SLC2A2: variants seen among roughly 807,000 people sequenced by gnomAD.
The protein encoded by SLC2A2 is solute carrier family 2 member 2, also known as solute carrier family 2, facilitated glucose transporter member 2.
SLC2A2 carries 36 observed loss-of-function variants against 54.5 expected under a neutral mutation model. The ratio of observed to expected loss-of-function variants is 0.66; its 90% CI spans 0.51 to 0.87. The LOEUF is 0.87. Ranked by LOEUF, SLC2A2 falls within the 40% of genes least tolerant of loss-of-function variation. The pLI is 0.00. For missense variants in SLC2A2, 543 were observed against 624.3 expected, an observed-to-expected ratio of 0.87 and a Z score of 1.39; for synonymous variants, 223 against 219.1, an observed-to-expected ratio of 1.02 and a Z score of -0.16.
chr3:171,016,652 C>CT (rs1716165470), intron 2 of SLC2A2, among the ~76,000 whole-genome samples: 1 of 126,340 alleles, frequency 7.9e-6, no homozygotes, highest in Non-Finnish European at 1.6e-5. Context: ...TAAAAAAAGG[C>CT]TTAAAAAATC....
chr3:171,014,617 T>C lies in SLC2A2; in HGVS notation c.223A>G (p.Asn75Asp), dbSNP rs1207297111. Residue 75 changes from asparagine to aspartate, a missense_variant, in exon 3 of 11, where the codon AAC becomes GAC. By Grantham distance (23) the Asn-to-Asp change is conservative (BLOSUM62 1). Around this residue, in one of 3 missense-constraint regions of SLC2A2, gnomAD observed 318 missense variants for 343.8 expected, o/e 0.93. Transcript: ENST00000314251. ...TCAGCCCAAGGGGTTGGTTTTGGGT[T>C]CATTGAGTATGAGATTGTGGGCAGT... is the stretch of plus-strand genomic sequence containing the variant. The part of the protein sequence containing the change: ...DELPTISYSM[N>D]PKPTPWAEEE... 5.0e-6 allele frequency: 8 copies of C among 1,614,172 alleles called. No individual in the cohort carries two copies. In the South Asian group the frequency reaches 8.8e-5, roughly 18 times the overall value.
At position 171,014,644 on chromosome 3, in the gene SLC2A2, C is replaced by T; in HGVS notation, c.196G>A (p.Glu66Lys). 6.2e-7 allele frequency: 1 copy of T among 1,614,068 alleles called. No individual in the cohort carries two copies. Among genetic ancestry groups the T allele is most frequent in the Non-Finnish European group, 8.5e-7 (1 of 1,179,942 alleles). Residue 66 changes from glutamate to lysine, a missense_variant, in exon 3 of 11, where the codon GAA becomes AAA. Around this residue, in one of 3 missense-constraint regions of SLC2A2, gnomAD observed 318 missense variants for 343.8 expected, o/e 0.93. Coordinates refer to ENST00000314251, the MANE Select transcript of SLC2A2 (RefSeq NM_000340.2). ...ATTGAGTATGAGATTGTGGGCAGTT[C>T]ATCTGTACTGTTGATAACATAGTTG... ...INNYVINSTD[E>K]LPTISYSMNP...
Position 171,006,103 on chromosome 3 carries a change from A to C in SLC2A2, c.615T>G (p.Ile205Met), listed in dbSNP as rs779591826. Reference sequence around the variant, plus strand: ...TGCCCAAGATAAATTCAAGACCAATAATCTGAAAATGCAAGGAGGAAGTAT... The same window carrying C: ...TGCCCAAGATAAATTCAAGACCAATCATCTGAAAATGCAAGGAGGAAGTAT... ...AIVTGILISQ[I>M]IGLEFILGNY... The change falls in exon 6 of 11, where the codon ATT (isoleucine) becomes ATG (methionine). Residue 205 changes from isoleucine (I) to methionine (M), a missense_variant and splice_region_variant. Physicochemically the swap from Ile to Met is conservative, Grantham distance 10. Transcript: ENST00000314251. The C allele has an allele frequency of 1.9e-6, 3 of 1,611,658 alleles. No homozygotes were observed. The highest frequency in any genetic ancestry group is 2.5e-6 in the Non-Finnish European group (3 of 1,178,376).
At chr3:170,999,432 G>C (rs1019704443) in intron 8 of SLC2A2, among the ~76,000 whole-genome samples, 4 of 152,058 alleles carry the variant, frequency 2.6e-5, no homozygotes, top group African/African-American at 9.7e-5. Context: ...TATAGAGATA[G>C]AACCATAATG....
chr3:171,010,757 T>C (rs1390003572), intron 3 of SLC2A2, among the ~76,000 whole-genome samples: 1 of 152,152 alleles, frequency 6.6e-6, no homozygotes, highest in Non-Finnish European at 1.5e-5. Flanking sequence ...TATGCCAGCA[T>C]ATTTCCAAAA....
rs55679742 is a variant in SLC2A2, at chr3:170,996,646, G to A, written c.*1257C>T. On this transcript the variant is annotated 3_prime_UTR_variant, in exon 11 of 11. Transcript: ENST00000314251. ...AGCTAAAGTCTGTTTAATCATCTGT[G>A]TATTTCCAATTTGCCTATGTAGGTA... 0.16 allele frequency: 62,057 copies of A among 397,696 alleles called. 6,303 individuals are homozygous for A. The highest frequency in any genetic ancestry group is 0.36 in the African/African-American group (17,507 of 48,584). The allele number at this position is 397,696 out of a possible 1,614,324, so 24.6% of individuals were successfully genotyped here.
In SLC2A2 at chr3:170,997,464, A is replaced by G. The variant is rs1181625584; in HGVS notation, c.*439T>C. ...AGTTGTCTATTTTAACATGGAACTT[A>G]TTGCCACTAGCCATATCTCCTTTAA... On this transcript the variant is annotated 3_prime_UTR_variant, in exon 11 of 11. Transcript: ENST00000314251. 6.1e-6 allele frequency: 1 copy of G among 163,056 alleles called. No homozygotes were observed. The highest frequency in any genetic ancestry group is 1.3e-5 in the Non-Finnish European group (1 of 75,122). The allele number at this position is 163,056 out of a possible 1,614,324, so 10.1% of individuals were successfully genotyped here.
chr3:171,007,815 T>TAGA (rs1425841559), intron 4 of SLC2A2, among the ~76,000 whole-genome samples: 2 of 151,902 alleles, frequency 1.3e-5, no homozygotes, highest in African/African-American at 4.8e-5. Context: ...TGCAGAGAGG[T>TAGA]AGAAGAGGTT....
At chr3:171,008,710 G>A (rs1278862560) in intron 4 of SLC2A2, among the ~76,000 whole-genome samples, 1 of 151,958 alleles carries the variant, frequency 6.6e-6, no homozygotes, top group Admixed American at 6.6e-5. Context: ...TTCGTTCATA[G>A]TGTTATTATC....
intron 1 of SLC2A2, among the ~76,000 whole-genome samples, chr3:171,023,919 T>C (rs1716574628): frequency 6.6e-6 from 1 of 152,200 alleles, no homozygotes; most frequent in South Asian, 2.1e-4. Context: ...CTAGATTTCA[T>C]ATCCAATTTA....
chr3:171,017,156 A>G (rs1203953475), intron 2 of SLC2A2, among the ~76,000 whole-genome samples: 1 of 152,046 alleles, frequency 6.6e-6, no homozygotes, highest in Non-Finnish European at 1.5e-5. Flanking sequence ...CCGGCCAGGG[A>G]TGGTTCAATT....
At chr3:171,004,913 C>A (rs1002689218) in intron 7 of SLC2A2, among the ~76,000 whole-genome samples, 6 of 152,070 alleles carry the variant, frequency 3.9e-5, no homozygotes, top group Admixed American at 3.3e-4. Context: ...ACCCTTGACT[C>A]CATTTGGCTT....
At chr3:171,025,223 A>G (rs1270662226) in intron 1 of SLC2A2, among the ~76,000 whole-genome samples, 1 of 151,778 alleles carries the variant, frequency 6.6e-6, no homozygotes, top group East Asian at 1.9e-4. Context: ...TACTATATAA[A>G]TGCTATATAA....
chr3:170,996,502 T>C lies in SLC2A2; in HGVS notation c.*1401A>G, dbSNP rs1715081816. The C allele has an allele frequency of 7.6e-6, 3 of 396,750 alleles. No individual in the cohort carries two copies. Among genetic ancestry groups the C allele is most frequent in the African/African-American group, 4.1e-5 (2 of 48,560 alleles). 24.6% of individuals were successfully genotyped at this position (396,750 alleles called of 1,614,324 possible). The stretch of plus-strand genomic sequence containing the variant: ...TCTTCAATACACATTAAAGCAAACA[T>C]AAGAAGGATTGATCAGTGCTCCAGT... On this transcript the variant is annotated 3_prime_UTR_variant, in exon 11 of 11. Coordinates refer to ENST00000314251, the MANE Select transcript of SLC2A2 (RefSeq NM_000340.2).
chr3:171,012,961 T>A (rs1027241372), intron 3 of SLC2A2, among the ~76,000 whole-genome samples: 4 of 152,164 alleles, frequency 2.6e-5, no homozygotes, highest in African/African-American at 9.6e-5. Context: ...TAAATGTTAA[T>A]TAAATGTTAA....
In SLC2A2 at chr3:171,010,065, A is replaced by G. The variant is rs367856967; in HGVS notation, c.389T>C (p.Val130Ala). ...TCCAACTAATGACAGAATGTTTGCT[A>G]CTAACATGGCTTTGATTCTGAAATT... ...DTLGRIKAML[V>A]ANILSLVGAL... The change falls in exon 4 of 11, where the codon GTA becomes GCA. Residue 130 changes from valine (V) to alanine (A), a missense_variant. Physicochemically the swap from Val to Ala is moderately conservative, Grantham distance 64 (BLOSUM62 0). This residue lies in a region of SLC2A2 where 318 missense variants were observed against 343.8 expected (regional missense o/e 0.93). Coordinates refer to ENST00000314251, the MANE Select transcript of SLC2A2 (RefSeq NM_000340.2). The G allele has an allele frequency of 4.3e-6, 7 of 1,612,844 alleles. No individual in the cohort carries two copies. The highest frequency in any genetic ancestry group is 1.7e-4 in the Middle Eastern group (1 of 6,056).
At position 171,005,411 on chromosome 3, in the gene SLC2A2, T is replaced by TC; in HGVS notation, c.836_837insG (p.Arg280LysfsTer7). 6.2e-7 allele frequency: 1 copy of TC among 1,612,814 alleles called. No individual in the cohort carries two copies. The highest frequency in any genetic ancestry group is 8.5e-7 in the Non-Finnish European group (1 of 1,179,184). ...TCTGCTCACTCGATGCTTCTTCTCT[T>TC]TCTTTTCTCATTTCATTAATATCTT... On this transcript the variant is annotated frameshift_variant, in exon 7 of 11. Transcript: ENST00000314251. LOFTEE classifies it high-confidence loss of function.
intron 3 of SLC2A2, among the ~76,000 whole-genome samples, chr3:171,013,190 G>T (rs1472080221): frequency 1.3e-5 from 2 of 151,544 alleles, no homozygotes; most frequent in African/African-American, 4.9e-5. Flanking sequence ...TTTTCCTTTT[G>T]TCTGAGCCCA....
intron 1 of SLC2A2, 105 bp from the exon 2 acceptor site, chr3:171,018,728 C>T: frequency 7.7e-6 from 6 of 775,244 alleles, no homozygotes; most frequent in Non-Finnish European, 1.4e-5. Flanking sequence ...CAGGCTGGTT[C>T]TTTCCCCTCA....
Sources: allele counts gnomAD v4.1 joint callset (sites outside exome capture counted in the v4.1 genomes callset), GRCh38; gene constraint gnomAD v4.1.1; regional missense constraint gnomAD v4.1.1; transcripts MANE v1.5; gene names NCBI Gene and HGNC (gene_info 2026-07-23, HGNC 2026-07-21).